Variants in PTPRD observed in about 807,000 individuals in gnomAD.
PTPRD encodes the protein protein tyrosine phosphatase receptor type D.
PTPRD carries 34 observed loss-of-function variants against 214.5 expected under a neutral mutation model. That is an observed-to-expected ratio of 0.16 (90% confidence interval 0.12 to 0.21). PTPRD has a LOEUF of 0.21. PTPRD is among the 10% of genes least tolerant of loss of function. The pLI, the probability that PTPRD is intolerant of heterozygous loss-of-function variation, is 1.00. For synonymous variants in PTPRD, 1,128 were observed against 845.7 expected, an observed-to-expected ratio of 1.33 and a Z score of -5.79; for missense variants, 2,545 against 2,398.7, an observed-to-expected ratio of 1.06 and a Z score of -1.27.
intron 11 of PTPRD, among the ~76,000 whole-genome samples, chr9:8,954,988 A>C (rs1263759368): frequency 6.6e-6 from 1 of 151,838 alleles, no homozygotes; most frequent in East Asian, 1.9e-4. Flanking sequence ...ATGTCTGTCC[A>C]CTCCAGGCTG....
Position 9,577,784 on chromosome 9 carries a change from G to A in PTPRD, c.-286-3003C>T, listed in dbSNP as rs140186072. ...GATCAGTCCGGGCACGGTGGCTCAC[G>A]CCTGTAATCCCAGCACTTTGGAAGG... On this transcript the variant is annotated intron_variant, in intron 7 of 45. Transcript: ENST00000381196. Among the ~76,000 whole-genome samples the A allele has an allele frequency of 4.7e-4, 72 of 151,968 alleles. No individual in the cohort carries two copies. The East Asian group carries it at 9.9e-3, about 21-fold the overall frequency.
chr9:10,106,129 A>T (rs959068107), intron 3 of PTPRD, among the ~76,000 whole-genome samples: 1 of 151,738 alleles, frequency 6.6e-6, no homozygotes, highest in South Asian at 2.1e-4. Flanking sequence ...TGAATTCAAT[A>T]AGTTTTTGAA....
intron 4 of PTPRD, among the ~76,000 whole-genome samples, chr9:10,013,123 T>C (rs2096634326): frequency 6.6e-6 from 1 of 151,896 alleles, no homozygotes; most frequent in African/African-American, 2.4e-5. Context: ...TACCATGTTA[T>C]GTTGTGAGTA....
intron 11 of PTPRD, among the ~76,000 whole-genome samples, chr9:8,821,566 C>T (rs2097064444): frequency 6.6e-6 from 1 of 152,214 alleles, no homozygotes; most frequent in Non-Finnish European, 1.5e-5. Context: ...AATCCCAATG[C>T]AGTCACCTCT....
chr9:9,856,720 C>A (rs1371421696), intron 5 of PTPRD, among the ~76,000 whole-genome samples: 1 of 152,004 alleles, frequency 6.6e-6, no homozygotes, highest in Non-Finnish European at 1.5e-5. Flanking sequence ...TCTGATGGAC[C>A]CTGCAGCAGC....
At chr9:10,058,345 C>T (rs1462761244) in intron 3 of PTPRD, among the ~76,000 whole-genome samples, 1 of 152,022 alleles carries the variant, frequency 6.6e-6, no homozygotes, top group Non-Finnish European at 1.5e-5. Context: ...CAATCGATAG[C>T]TATGTTATTT....
chr9:9,008,589 A>C (rs978408575), intron 11 of PTPRD, among the ~76,000 whole-genome samples: 2 of 152,152 alleles, frequency 1.3e-5, no homozygotes, highest in African/African-American at 4.8e-5. Flanking sequence ...ATGGAAAAAA[A>C]GGATGGAGTT....
At chr9:9,014,209 T>G (rs1041592130) in intron 11 of PTPRD, among the ~76,000 whole-genome samples, 5 of 151,546 alleles carry the variant, frequency 3.3e-5, no homozygotes, top group Admixed American at 2.0e-4. Context: ...GTTTTTTTTT[T>G]TTTTCTGGAA....
chr9:9,568,151 A>G (rs2085177294), intron 8 of PTPRD, among the ~76,000 whole-genome samples: 1 of 151,894 alleles, frequency 6.6e-6, no homozygotes, highest in South Asian at 2.1e-4. Flanking sequence ...TTGTATAATA[A>G]GAAGCCTTTC....
intron 2 of PTPRD, among the ~76,000 whole-genome samples, chr9:10,356,513 G>A (rs960348772): frequency 2.0e-5 from 3 of 151,980 alleles, no homozygotes; most frequent in African/African-American, 7.2e-5. Flanking sequence ...AACTATATAG[G>A]CACTTAATAT....
At chr9:9,831,080 T>C (rs2054666507) in intron 5 of PTPRD, among the ~76,000 whole-genome samples, 1 of 151,870 alleles carries the variant, frequency 6.6e-6, no homozygotes, top group African/African-American at 2.4e-5. Flanking sequence ...TATTATAGCC[T>C]ATGGTCACCC....
At chr9:10,233,676 T>C (rs1160140468) in intron 3 of PTPRD, among the ~76,000 whole-genome samples, 1 of 152,020 alleles carries the variant, frequency 6.6e-6, no homozygotes, top group African/African-American at 2.4e-5. Context: ...TTATTAGTTC[T>C]GTCAAAAATG....
intron 3 of PTPRD, among the ~76,000 whole-genome samples, chr9:10,139,062 A>G (rs1254812998): frequency 6.6e-6 from 1 of 152,108 alleles, no homozygotes; most frequent in Non-Finnish European, 1.5e-5. Flanking sequence ...AAGAGAAAAA[A>G]ATAAAGAGGC....
chr9:8,978,467 TAGGTACATGG>T (rs1374621600), intron 11 of PTPRD, among the ~76,000 whole-genome samples: 2 of 152,124 alleles, frequency 1.3e-5, no homozygotes, highest in African/African-American at 4.8e-5. Context: ...GAGGAAGATT[TAGGTACATGG>T]AGTCAGCATT....
chr9:9,805,253 A>AAT (rs2099065654), intron 5 of PTPRD, among the ~76,000 whole-genome samples: 1 of 152,166 alleles, frequency 6.6e-6, no homozygotes, highest in Non-Finnish European at 1.5e-5. Context: ...GAGAAGAAGT[A>AAT]ATATATAAAG....
At chr9:8,713,665 G>T in intron 12 of PTPRD, 1 of 1,509,652 alleles carries the variant, frequency 6.6e-7, no homozygotes, top group South Asian at 1.1e-5. Flanking sequence ...CCGGCACCGC[G>T]CCCGGGCCCA....
intron 7 of PTPRD, among the ~76,000 whole-genome samples, chr9:9,690,184 T>A (rs143827165): frequency 6.6e-6 from 1 of 152,000 alleles, no homozygotes; most frequent in East Asian, 1.9e-4. Context: ...TAAGCCATTT[T>A]AAGTGGAGTG....
chr9:10,581,769 G>A (rs963642295), intron 2 of PTPRD, among the ~76,000 whole-genome samples: 1 of 152,052 alleles, frequency 6.6e-6, no homozygotes, highest in Non-Finnish European at 1.5e-5. Flanking sequence ...AGGAATATAA[G>A]GGTATTAAAT....
At position 8,682,333 on chromosome 9, in the gene PTPRD, G is replaced by C. The variant is rs117096453; in HGVS notation, c.65-45489C>G. ...CATGACAAACAAAAACTAACAACAG[G>C]AGTTCCCAGGGAGGAAGCCTGAACT... is the stretch of plus-strand genomic sequence containing the variant. On this transcript the variant is annotated intron_variant, in intron 12 of 45. Transcript: ENST00000381196. Among the ~76,000 whole-genome samples, 83 of 152,048 alleles carry C rather than the reference G, an allele frequency of 5.5e-4. 1 individual carries two copies. The highest frequency in any genetic ancestry group is 3.1e-3 in the East Asian group (16 of 5,168).
Sources: gnomAD v4.1 joint callset for allele counts (sites outside exome capture counted in the v4.1 genomes callset) on GRCh38, gnomAD v4.1.1 for gene constraint, MANE v1.5 for transcripts, NCBI Gene and HGNC (gene_info 2026-07-23, HGNC 2026-07-21) for gene names.